Variants in CNOT7 observed in about 807,000 individuals in gnomAD.
The protein encoded by CNOT7 is CCR4-NOT transcription complex subunit 7, also known as BTG1-binding factor 1.
CNOT7 carries 4 observed loss-of-function variants against 37.1 expected under a neutral mutation model. The ratio of observed to expected loss-of-function variants is 0.11; its 90% CI spans 0.05 to 0.25. The LOEUF (loss-of-function observed/expected upper bound fraction) is 0.25, where lower values mean the gene tolerates loss of function less well. CNOT7 is among the 10% of genes least tolerant of loss of function. CNOT7 has a pLI of 1.00. For synonymous variants in CNOT7, 128 were observed against 115.6 expected, an observed-to-expected ratio of 1.11 and a Z score of -0.69; for missense variants, 170 against 336.2, an observed-to-expected ratio of 0.51 and a Z score of 3.87.
rs1382179619 is a variant in CNOT7, at chr8:17,227,192, T to C, written c.*3528A>G. 1 of 151,866 alleles carries C rather than the reference T, an allele frequency of 6.6e-6. No individual in the cohort carries two copies. The highest frequency in any genetic ancestry group is 2.4e-5 in the African/African-American group (1 of 41,406). The allele number at this position is 151,866 out of a possible 1,614,324, so 9.4% of individuals were successfully genotyped here. A position where few individuals can be genotyped will look rare whatever the true frequency, so the allele number is the denominator to read the frequency against. On this transcript the variant is annotated 3_prime_UTR_variant, in exon 7 of 7. Coordinates refer to ENST00000361272, the MANE Select transcript of CNOT7 (RefSeq NM_013354.7). ...TCACAAGCCTTAAAATTTGACCAAA[T>C]AAACTTTTTTTCTGCTTCATGCATT...
chr8:17,244,707 C>G (rs1241167445), intron 2 of CNOT7: 2 of 199,014 alleles, frequency 1.0e-5, no homozygotes, highest in Non-Finnish European at 2.0e-5. Context: ...GCTTCCCGAA[C>G]ACATCCAATC....
rs1192851822 is a variant in CNOT7 at position 17,230,210 on chromosome 8, G to C, written c.*510C>G. On this transcript the variant is annotated 3_prime_UTR_variant, in exon 7 of 7. Coordinates refer to ENST00000361272, the MANE Select transcript of CNOT7 (RefSeq NM_013354.7). ...CAAAACCAAGTAAATACTGTGTAAA[G>C]TTGGCAGATTTTTCCAGCTAAGATC... is the stretch of plus-strand genomic sequence containing the variant. The C allele has an allele frequency of 6.6e-6, 1 of 152,526 alleles. No individual in the cohort carries two copies. Among genetic ancestry groups the C allele is most frequent in the Non-Finnish European group, 1.5e-5 (1 of 67,984 alleles). The allele number at this position is 152,526 out of a possible 1,614,324, so 9.4% of individuals were successfully genotyped here.
At chr8:17,239,404 C>A (rs1221244475) in intron 3 of CNOT7, among the ~76,000 whole-genome samples, 1 of 152,114 alleles carries the variant, frequency 6.6e-6, no homozygotes, top group Non-Finnish European at 1.5e-5. Context: ...CTGCCACTTT[C>A]CTTAAATGAA....
intron 3 of CNOT7, chr8:17,242,380 C>T (rs1769075465): frequency 6.6e-6 from 1 of 152,140 alleles, no homozygotes; most frequent in African/African-American, 2.4e-5. Context: ...ATTAATAATA[C>T]AGAAATATTA....
At chr8:17,235,897 T>C (rs1809286583) in intron 4 of CNOT7, among the ~76,000 whole-genome samples, 1 of 152,208 alleles carries the variant, frequency 6.6e-6, no homozygotes, top group African/African-American at 2.4e-5. Flanking sequence ...TGTTTGTTTT[T>C]GTTCATCTTA....
intron 3 of CNOT7, among the ~76,000 whole-genome samples, chr8:17,238,651 A>C (rs1315816825): frequency 1.3e-5 from 2 of 152,202 alleles, no homozygotes; most frequent in African/African-American, 2.4e-5. Flanking sequence ...AAGGGATAAA[A>C]AACAGATTCT....
At chr8:17,246,628 C>G (rs376957930) in intron 1 of CNOT7, 47 bp downstream of exon 1, 3 of 157,670 alleles carry the variant, frequency 1.9e-5, no homozygotes, top group African/African-American at 7.2e-5. Context: ...TTCTACTTCC[C>G]TAACCCGCCC....
rs1325156060 is a variant in CNOT7, at chr8:17,230,272, G to C, written c.*448C>G. 6.6e-6 allele frequency: 1 copy of C among 152,652 alleles called. No homozygotes were observed. Among genetic ancestry groups the C allele is most frequent in the Non-Finnish European group, 1.5e-5 (1 of 68,078 alleles). 9.5% of individuals were successfully genotyped at this position (152,652 alleles called of 1,614,324 possible). On this transcript the variant is annotated 3_prime_UTR_variant, in exon 7 of 7. Coordinates refer to ENST00000361272, the MANE Select transcript of CNOT7 (RefSeq NM_013354.7). The stretch of plus-strand genomic sequence containing the variant: ...AATTTTCTGATAAAACAGGTTTAGA[G>C]TCAGAAACACTCTCTAAAGTGCAAA...
chr8:17,241,885 A>G (rs1810213734), intron 3 of CNOT7: 1 of 152,226 alleles, frequency 6.6e-6, no homozygotes, highest in African/African-American at 2.4e-5. Context: ...AATGTGAGCT[A>G]TATGTAAATT....
chr8:17,238,376 C>G (rs536804516), intron 3 of CNOT7, among the ~76,000 whole-genome samples: 1 of 152,016 alleles, frequency 6.6e-6, no homozygotes. Context: ...CAATTTATTT[C>G]TAAATGTCTG....
At position 17,243,218 on chromosome 8, in the gene CNOT7, A is replaced by C. The variant is rs753777889; in HGVS notation, c.118-33T>G. ...ATAGTTTTAAGATTCATTATGTACT[A>C]AACAGTCAAAACTACAATCCACACA... On this transcript the variant is annotated intron_variant, in intron 2 of 6. Coordinates refer to ENST00000361272, the MANE Select transcript of CNOT7 (RefSeq NM_013354.7). 6.0e-6 allele frequency: 9 copies of C among 1,496,726 alleles called. No individual in the cohort carries two copies. In the East Asian group the frequency reaches 9.1e-5, roughly 15 times the overall value. 92.7% of individuals were successfully genotyped at this position (1,496,726 alleles called of 1,614,324 possible). A position where few individuals can be genotyped will look rare whatever the true frequency, so the allele number is the denominator to read the frequency against.
At chr8:17,237,033 T>G (rs1454311613) in intron 4 of CNOT7, among the ~76,000 whole-genome samples, 179 bp downstream of exon 4, 2 of 152,170 alleles carry the variant, frequency 1.3e-5, no homozygotes, top group Non-Finnish European at 2.9e-5. Context: ...ATGGATCCCA[T>G]ATTTTAAATT....
At position 17,234,700 on chromosome 8, in the gene CNOT7, C is replaced by A; in HGVS notation, c.618+16G>T. 1 of 1,613,356 alleles carries A rather than the reference C, an allele frequency of 6.2e-7. No individual in the cohort carries two copies. Among genetic ancestry groups the A allele is most frequent in the South Asian group, 1.1e-5 (1 of 91,040 alleles). On this transcript the variant is annotated intron_variant, in intron 5 of 6. Transcript: ENST00000361272. The stretch of plus-strand genomic sequence containing the variant: ...GAACAGTGTGCTGCTGTAGATAATG[C>A]CATCCGAAGCCTTACTTTGAGATTT...
chr8:17,242,334 C>T (rs1274440969), intron 3 of CNOT7: 1 of 152,170 alleles, frequency 6.6e-6, no homozygotes, highest in African/African-American at 2.4e-5. Flanking sequence ...TCTCTAAAAA[C>T]ATCTAAAACT....
At chr8:17,237,794 G>A (rs940216442) in intron 3 of CNOT7, among the ~76,000 whole-genome samples, 3 of 152,216 alleles carry the variant, frequency 2.0e-5, no homozygotes, top group African/African-American at 7.2e-5. Context: ...TGGGGCATAT[G>A]CCCATCTCCC....
At position 17,230,659 on chromosome 8, in the gene CNOT7, G is replaced by C; in HGVS notation, c.*61C>G. ...CTATTGTTCGAGGGATTCAACCAGA[G>C]ATAAAACCTATATACAAGCATGTGT... On this transcript the variant is annotated 3_prime_UTR_variant, in exon 7 of 7. Transcript: ENST00000361272. 3 of 1,450,342 alleles carry C rather than the reference G, an allele frequency of 2.1e-6. No homozygotes were observed. The highest frequency in any genetic ancestry group is 1.4e-5 in the South Asian group (1 of 71,086). 89.8% of individuals were successfully genotyped at this position (1,450,342 alleles called of 1,614,324 possible). A position where few individuals can be genotyped will look rare whatever the true frequency, so the allele number is the denominator to read the frequency against.
At chr8:17,233,169 G>A (rs1374453272) in intron 5 of CNOT7, among the ~76,000 whole-genome samples, 1 of 151,994 alleles carries the variant, frequency 6.6e-6, no homozygotes, top group African/African-American at 2.4e-5. Context: ...AGTAACAGAA[G>A]GAAAGAAAGT....
intron 3 of CNOT7, chr8:17,241,749 C>A (rs1013686839): frequency 1.3e-5 from 2 of 152,080 alleles, no homozygotes; most frequent in African/African-American, 4.8e-5. Context: ...ATAACGAAAC[C>A]AATTTTTACC....
At position 17,227,317 on chromosome 8, in the gene CNOT7, A is replaced by G. The variant is rs1808226031; in HGVS notation, c.*3403T>C. 1 of 151,870 alleles carries G rather than the reference A, an allele frequency of 6.6e-6. No individual in the cohort carries two copies. The highest frequency in any genetic ancestry group is 2.4e-5 in the African/African-American group (1 of 41,426). The allele number at this position is 151,870 out of a possible 1,614,324, so 9.4% of individuals were successfully genotyped here. On this transcript the variant is annotated 3_prime_UTR_variant, in exon 7 of 7. Coordinates refer to ENST00000361272, the MANE Select transcript of CNOT7 (RefSeq NM_013354.7). Reference sequence around the variant, plus strand: ...TATTCCCACTTGTAGTTCCATACAAATTCTTCGATCACTTCAAATCCAGCA... The same window carrying G: ...TATTCCCACTTGTAGTTCCATACAAGTTCTTCGATCACTTCAAATCCAGCA...
Sources: gnomAD v4.1 joint callset for allele counts (sites outside exome capture counted in the v4.1 genomes callset) on GRCh38, gnomAD v4.1.1 for gene constraint, MANE v1.5 for transcripts, NCBI Gene and HGNC (gene_info 2026-07-23, HGNC 2026-07-21) for gene names.